The following GABRB3 variants were observed in gnomAD, a reference collection of about 807,000 sequenced individuals.
The protein encoded by GABRB3 is gamma-aminobutyric acid receptor subunit beta-3.
GABRB3 carries 14 observed loss-of-function variants against 52.1 expected under a neutral mutation model. The ratio of observed to expected loss-of-function variants is 0.27; its 90% confidence interval spans 0.18 to 0.42. The LOEUF (loss-of-function observed/expected upper bound fraction) is 0.42, where lower values mean the gene tolerates loss of function less well. Among genes scored for constraint, GABRB3 ranks in the 10% least tolerant of loss-of-function variants. The pLI is 1.00. For missense variants in GABRB3, 307 were observed against 609.1 expected, an observed-to-expected ratio of 0.50 and a Z score of 5.22; for synonymous variants, 260 against 232.3, an observed-to-expected ratio of 1.12 and a Z score of -1.08.
chr15:26,772,052 G>A (rs1342927750), intron 3 of GABRB3: 7 of 253,422 alleles, frequency 2.8e-5, no homozygotes. Context: ...CCCAGCGCCT[G>A]TTGCTAAGGA....
At chr15:26,690,614 G>A (rs1186399166) in intron 3 of GABRB3, among the ~76,000 whole-genome samples, 2 of 151,916 alleles carry the variant, frequency 1.3e-5, no homozygotes, top group South Asian at 2.1e-4. Flanking sequence ...GCACACTCTG[G>A]TCATTCCAGG....
chr15:26,554,040 T>TAGA (rs1491472680), intron 8 of GABRB3, among the ~76,000 whole-genome samples: 1 of 44,368 alleles, frequency 2.3e-5, no homozygotes, highest in Non-Finnish European at 5.5e-5. Context: ...TATATATTTA[T>TAGA]TTATTTATAT....
chr15:26,737,028 A>C (rs1427201915), intron 3 of GABRB3, among the ~76,000 whole-genome samples: 1 of 152,190 alleles, frequency 6.6e-6, no homozygotes, highest in Non-Finnish European at 1.5e-5. Context: ...CTCCTGTGGC[A>C]CCACCAGGCC....
At chr15:26,720,872 C>T (rs8038843) in intron 3 of GABRB3, among the ~76,000 whole-genome samples, 1,728 of 152,098 alleles carry the variant, frequency 0.011, 26 homozygotes, top group African/African-American at 0.04. Flanking sequence ...GCGGATATTC[C>T]CAAGATTCTG....
intron 3 of GABRB3, among the ~76,000 whole-genome samples, chr15:26,717,212 C>T (rs928727842): frequency 1.3e-5 from 2 of 150,456 alleles, no homozygotes; most frequent in East Asian, 2.0e-4. Flanking sequence ...CTGGGGACCT[C>T]CACTCAATGA....
At chr15:26,674,267 G>A (rs1257871186) in intron 3 of GABRB3, among the ~76,000 whole-genome samples, 1 of 151,420 alleles carries the variant, frequency 6.6e-6, no homozygotes, top group African/African-American at 2.4e-5. Context: ...CTGGCATGGT[G>A]GCAGGTCCCT....
chr15:26,765,644 T>C (rs1246691938), intron 3 of GABRB3, among the ~76,000 whole-genome samples: 1 of 152,200 alleles, frequency 6.6e-6, no homozygotes, highest in Non-Finnish European at 1.5e-5. Flanking sequence ...TTGGATCCTA[T>C]GCAAAGAACG....
intron 6 of GABRB3, among the ~76,000 whole-genome samples, chr15:26,571,918 G>T (rs149768148): frequency 0.024 from 3,683 of 151,950 alleles, 63 homozygotes; most frequent in Non-Finnish European, 0.036. Flanking sequence ...CGTGGTGGCG[G>T]GTGCCTATAA....
At chr15:26,693,916 G>A (rs1888659725) in intron 3 of GABRB3, among the ~76,000 whole-genome samples, 1 of 152,042 alleles carries the variant, frequency 6.6e-6, no homozygotes, top group African/African-American at 2.4e-5. Context: ...GAAGACTACA[G>A]AAAAATCCCC....
chr15:26,612,997 G>A (rs1892127220), intron 4 of GABRB3: 1 of 152,556 alleles, frequency 6.6e-6, no homozygotes, highest in South Asian at 2.1e-4. Flanking sequence ...TGCACCTTCA[G>A]TCACAGCTAC....
intron 3 of GABRB3, among the ~76,000 whole-genome samples, chr15:26,755,322 T>C (rs965572122): frequency 2.0e-5 from 3 of 152,128 alleles, no homozygotes; most frequent in East Asian, 1.9e-4. Context: ...ACAATTTTTT[T>C]CCCAACTTCT....
chr15:26,601,895 T>C (rs1412482271), intron 4 of GABRB3, among the ~76,000 whole-genome samples: 1 of 151,718 alleles, frequency 6.6e-6, no homozygotes, highest in African/African-American at 2.4e-5. Flanking sequence ...ATGGCAAGAG[T>C]AAGTCCATAT....
rs150301275 is a variant in GABRB3 at position 26,763,607 on chromosome 15, T to TACACACACACACACACACACACAC, written c.240+8771_240+8794dup. 6.7e-4 allele frequency among the ~76,000 whole-genome samples: 98 copies of TACACACACACACACACACACACAC among 145,952 alleles called. 1 individual carries two copies. Among genetic ancestry groups the TACACACACACACACACACACACAC allele is most frequent in the Non-Finnish European group, 1.2e-3 (81 of 66,782 alleles). ...CACAACCATTTTTGGTCTGCATAGATACACACACACACACACACACACACA... is the reference window on the plus strand; with the variant it reads ...CACAACCATTTTTGGTCTGCATAGATACACACACACACACACACACACACACACACACACACACACACACACACA... On this transcript the variant is annotated intron_variant, in intron 3 of 8. Coordinates refer to ENST00000311550, the MANE Select transcript of GABRB3 (RefSeq NM_000814.6).
chr15:26,671,559 G>A (rs983467063), intron 3 of GABRB3, among the ~76,000 whole-genome samples: 2 of 152,166 alleles, frequency 1.3e-5, no homozygotes, highest in Non-Finnish European at 1.5e-5. Flanking sequence ...GAGACCAACA[G>A]AATCTATAAG....
At chr15:26,554,127 G>GTATATATATATATAAAGTGTA (rs1889620020) in intron 8 of GABRB3, among the ~76,000 whole-genome samples, 3 of 22,580 alleles carry the variant, frequency 1.3e-4, no homozygotes, top group Non-Finnish European at 2.6e-4. Flanking sequence ...AAGTGTGTGT[G>GTATATATATATATAAAGTGTA]TATATATATA....
chr15:26,674,400 C>CAAAAAAAAA (rs55723767), intron 3 of GABRB3, among the ~76,000 whole-genome samples: 36 of 86,738 alleles, frequency 4.2e-4, no homozygotes, highest in African/African-American at 6.2e-4. Flanking sequence ...GACTCAGTTT[C>CAAAAAAAAA]AAAAAAAAAA....
At position 26,623,712 on chromosome 15, in the gene GABRB3, G is replaced by T. The variant is rs1040660466; in HGVS notation, c.241-2178C>A. Among the ~76,000 whole-genome samples, 77 of 152,224 alleles carry T rather than the reference G, an allele frequency of 5.1e-4. 1 individual carries two copies. The highest frequency in any genetic ancestry group is 1.0e-3 in the Non-Finnish European group (68 of 68,022). On this transcript the variant is annotated intron_variant, in intron 3 of 8. Transcript: ENST00000311550. ...TAAACTGCCCCAGGTCCAGGTAATG[G>T]ACAACTAAAGACAGCCCCTGTGCCC... is the stretch of plus-strand genomic sequence containing the variant.
At chr15:26,707,014 G>C (rs1889123772) in intron 3 of GABRB3, among the ~76,000 whole-genome samples, 1 of 152,242 alleles carries the variant, frequency 6.6e-6, no homozygotes, top group Admixed American at 6.5e-5. Context: ...CAGGAAGGAT[G>C]AGACTGTGGT....
chr15:26,554,152 A>G lies in GABRB3; in HGVS notation c.1081-6018T>C, dbSNP rs1268475380. Among the ~76,000 whole-genome samples the G allele has an allele frequency of 2.0e-3, 130 of 64,368 alleles. 7 individuals are homozygous for G. Among genetic ancestry groups the G allele is most frequent in the African/African-American group, 8.8e-3 (121 of 13,752 alleles). 42.2% of individuals were successfully genotyped at this position (64,368 alleles called of 152,430 possible). A position where few individuals can be genotyped will look rare whatever the true frequency, so the allele number is the denominator to read the frequency against. Reference sequence around the variant, plus strand: ...GTATATATATATATAAAGTATATATATATATAAAGTATATATATATAAAGT... The same window carrying G: ...GTATATATATATATAAAGTATATATGTATATAAAGTATATATATATAAAGT... On this transcript the variant is annotated intron_variant, in intron 8 of 8. Transcript: ENST00000311550.
Sources: gnomAD v4.1 joint callset for allele counts (sites outside exome capture counted in the v4.1 genomes callset) on GRCh38, gnomAD v4.1.1 for gene constraint, MANE v1.5 for transcripts, NCBI Gene and HGNC (gene_info 2026-07-23, HGNC 2026-07-21) for gene names.